The following DPH6 variants were observed in gnomAD, a reference collection of about 807,000 sequenced individuals.
DPH6 encodes diphthamine biosynthesis 6.
DPH6 carries 33 observed loss-of-function variants against 38.2 expected under a neutral mutation model. That is an observed-to-expected ratio of 0.86 (90% CI 0.65 to 1.15). The LOEUF (loss-of-function observed/expected upper bound fraction) is 1.15. DPH6 is among the 50% of genes most tolerant of loss of function. DPH6 has a pLI of 0.00. For synonymous variants in DPH6, 108 were observed against 103.0 expected (o/e 1.05, Z -0.30); for missense variants, 325 against 320.0 (o/e 1.02, Z -0.12).
chr15:35,424,565 T>C (rs1299109764), intron 5 of DPH6, among the ~76,000 whole-genome samples: 1 of 151,654 alleles, frequency 6.6e-6, no homozygotes, highest in African/African-American at 2.4e-5. Flanking sequence ...TTGCTTAATT[T>C]CTCTGGCTAG....
intron 6 of DPH6, among the ~76,000 whole-genome samples, chr15:35,402,403 A>C (rs2053232418): frequency 6.6e-6 from 1 of 152,196 alleles, no homozygotes; most frequent in South Asian, 2.1e-4. Flanking sequence ...TAATGGTACC[A>C]GATAAAATTA....
At chr15:35,490,535 C>T (rs2054463021) in intron 3 of DPH6, among the ~76,000 whole-genome samples, 1 of 152,112 alleles carries the variant, frequency 6.6e-6, no homozygotes, top group Non-Finnish European at 1.5e-5. Context: ...TGCTATTTTA[C>T]TTAGAATTTC....
intron 3 of DPH6, among the ~76,000 whole-genome samples, chr15:35,277,618 C>T (rs1488156933): frequency 6.6e-6 from 1 of 152,124 alleles, no homozygotes; most frequent in African/African-American, 2.4e-5. Flanking sequence ...GGAAAGTTTC[C>T]AACTTCTTAG....
chr15:35,427,925 T>TA (rs975441120), intron 5 of DPH6, among the ~76,000 whole-genome samples: 24 of 150,816 alleles, frequency 1.6e-4, no homozygotes, highest in Non-Finnish European at 3.4e-4. Context: ...ACCTTCAAAT[T>TA]AAAAAAAAGA....
At position 35,495,206 on chromosome 15, in the gene DPH6, G is replaced by A. The variant is rs553645108; in HGVS notation, c.313-40386C>T. Among the ~76,000 whole-genome samples the A allele has an allele frequency of 4.6e-5, 7 of 152,256 alleles. No individual in the cohort carries two copies. The East Asian group carries it at 1.3e-3, about 29-fold the overall frequency. ...ATAAGACCTTTAAAGTGGTATTTAT[G>A]TAAAATTAAGTCACATGTGTGGGCT... On this transcript the variant is annotated intron_variant, in intron 3 of 8. Transcript: ENST00000256538.
chr15:35,497,804 T>C (rs542535633), intron 3 of DPH6, among the ~76,000 whole-genome samples: 4 of 152,040 alleles, frequency 2.6e-5, no homozygotes, highest in Non-Finnish European at 5.9e-5. Flanking sequence ...TCCAAAACCA[T>C]CTCCTAAAAG....
chr15:35,348,303 A>T (rs1445896111), intron 3 of DPH6, among the ~76,000 whole-genome samples: 2 of 152,302 alleles, frequency 1.3e-5, no homozygotes, highest in Middle Eastern at 3.4e-3. Context: ...TAGATATTTA[A>T]TCCATTTTTA....
At chr15:35,405,816 T>C (rs757058925) in intron 6 of DPH6, among the ~76,000 whole-genome samples, 13 of 152,096 alleles carry the variant, frequency 8.5e-5, no homozygotes, top group Non-Finnish European at 1.9e-4. Flanking sequence ...CCATTCAGTA[T>C]GATACTCGCT....
At position 35,374,597 on chromosome 15, in the gene DPH6, T is replaced by C. The variant is rs369997361; in HGVS notation, c.663-989A>G. ...ATCAAGAAAAAAGTACGTTTGATGA[T>C]TAAAAACCCCAATTATCATTCATGA... On this transcript the variant is annotated intron_variant, in intron 7 of 8. Coordinates refer to ENST00000256538, the MANE Select transcript of DPH6 (RefSeq NM_080650.4). 1.1e-4 allele frequency among the ~76,000 whole-genome samples: 16 copies of C among 152,252 alleles called. No individual in the cohort carries two copies. In the East Asian group the frequency reaches 2.1e-3, roughly 20 times the overall value.
chr15:35,159,069 G>C, the DPH6 span, among the ~76,000 whole-genome samples: 24 of 152,082 alleles, frequency 1.6e-4, 1 homozygote, highest in Middle Eastern at 6.8e-3. Context: ...TTCTAAGCTG[G>C]TGTTTCACAC....
chr15:35,301,911 T>C (rs1305192894), intron 3 of DPH6, among the ~76,000 whole-genome samples: 1 of 151,988 alleles, frequency 6.6e-6, no homozygotes, highest in Non-Finnish European at 1.5e-5. Flanking sequence ...GAGGCGGAGG[T>C]TGCAGTGAGC....
intron 3 of DPH6, among the ~76,000 whole-genome samples, chr15:35,496,565 A>ATATATAT (rs1467883229): frequency 2.1e-3 from 42 of 20,144 alleles, no homozygotes; most frequent in Admixed American, 3.9e-3. Context: ...CAAAAAAAAA[A>ATATATAT]AAATATATAT....
chr15:35,202,869 A>G, the DPH6 span, among the ~76,000 whole-genome samples: 1 of 151,792 alleles, frequency 6.6e-6, no homozygotes. Context: ...GCACACAGAA[A>G]TAACGTATTT....
chr15:35,147,214 G>C, the DPH6 span, among the ~76,000 whole-genome samples: 1 of 152,170 alleles, frequency 6.6e-6, no homozygotes, highest in Non-Finnish European at 1.5e-5. Flanking sequence ...AAATTGAGGA[G>C]CAGGGAGGTT....
intron 3 of DPH6, among the ~76,000 whole-genome samples, chr15:35,243,683 C>T (rs2051616514): frequency 6.7e-6 from 1 of 149,610 alleles, no homozygotes; most frequent in African/African-American, 2.5e-5. Flanking sequence ...TGTAATTTTC[C>T]ATTACCTTCC....
At chr15:35,411,281 T>A (rs1487532806) in intron 5 of DPH6, among the ~76,000 whole-genome samples, 4 of 151,776 alleles carry the variant, frequency 2.6e-5, no homozygotes, top group South Asian at 2.1e-4. Context: ...GCATTAATTT[T>A]CTGATTTATC....
At chr15:35,448,984 A>ATTTC (rs2053893039) in intron 5 of DPH6, among the ~76,000 whole-genome samples, 1 of 136,586 alleles carries the variant, frequency 7.3e-6, no homozygotes, top group South Asian at 2.3e-4. Flanking sequence ...TTATTGTCTC[A>ATTTC]TTTTTTTTTT....
intron 3 of DPH6, among the ~76,000 whole-genome samples, chr15:35,498,922 A>G (rs1320821588): frequency 6.7e-6 from 1 of 149,708 alleles, no homozygotes; most frequent in Non-Finnish European, 1.5e-5. Flanking sequence ...AGCCTGAGCA[A>G]CACAGCAAGG....
chr15:35,490,515 G>A (rs1008173605), intron 3 of DPH6, among the ~76,000 whole-genome samples: 2 of 152,114 alleles, frequency 1.3e-5, no homozygotes, highest in South Asian at 2.1e-4. Flanking sequence ...TCATGTGTGC[G>A]ATTCATTCAT....
Sources: allele counts gnomAD v4.1 joint callset (sites outside exome capture counted in the v4.1 genomes callset), GRCh38; gene constraint gnomAD v4.1.1; transcripts MANE v1.5; gene names NCBI Gene and HGNC (gene_info 2026-07-23, HGNC 2026-07-21).